Variants in SCAF11 observed in about 807,000 individuals in gnomAD.
SCAF11 encodes SR-related CTD associated factor 11.
Under a neutral mutation model 140.5 loss-of-function variants are expected in SCAF11, and 47 were observed. The ratio of observed to expected loss-of-function variants is 0.33; its 90% CI spans 0.26 to 0.43. SCAF11 has a LOEUF of 0.43. SCAF11 is among the 20% of genes least tolerant of loss of function. SCAF11 has a pLI of 1.00. For missense variants in SCAF11, 1,645 were observed against 1,705.1 expected, an observed-to-expected ratio of 0.96 and a Z score of 0.62; for synonymous variants, 557 against 579.4, an observed-to-expected ratio of 0.96 and a Z score of 0.55.
intron 3 of SCAF11, among the ~76,000 whole-genome samples, chr12:45,958,639 T>G (rs4768099): frequency 0.039 from 5,907 of 152,300 alleles, 552 homozygotes; most frequent in East Asian, 0.32. Context: ...TCCTTGAAAC[T>G]AAATATAATC....
chr12:45,965,069 T>G (rs1459586232), intron 1 of SCAF11, among the ~76,000 whole-genome samples: 1 of 152,168 alleles, frequency 6.6e-6, no homozygotes, highest in Non-Finnish European at 1.5e-5. Context: ...AGCAGAGCAA[T>G]GTAAATCAAG....
intron 3 of SCAF11, among the ~76,000 whole-genome samples, chr12:45,956,817 C>G (rs533509773): frequency 6.6e-6 from 1 of 152,102 alleles, no homozygotes; most frequent in African/African-American, 2.4e-5. Context: ...AAACTAGGCA[C>G]AAAGAAATGC....
At chr12:45,932,040 CATAT>C (rs146979342) in intron 9 of SCAF11, among the ~76,000 whole-genome samples, 2 of 148,930 alleles carry the variant, frequency 1.3e-5, no homozygotes, top group Non-Finnish European at 3.0e-5. Context: ...AAAGTGTGTG[CATAT>C]ATATATATAT....
chr12:45,927,470 A>G lies in SCAF11; in HGVS notation c.2231T>C (p.Met744Thr). Reference sequence around the variant, plus strand: ...ACAGTGTGTCACAGAATTTTCATTCATTTGTTTAAGATCAGCATTTACAGA... The same window carrying G: ...ACAGTGTGTCACAGAATTTTCATTCGTTTGTTTAAGATCAGCATTTACAGA... ...EPSVNADLKQMNENSVTHCSE... is the reference protein window; with the variant it reads ...EPSVNADLKQTNENSVTHCSE... Residue 744 changes from methionine (M) to threonine (T), a missense_variant, in exon 11 of 15, where the codon ATG becomes ACG. Coordinates refer to ENST00000369367, the MANE Select transcript of SCAF11 (RefSeq NM_004719.3). 1 of 1,613,450 alleles carries G rather than the reference A, an allele frequency of 6.2e-7. No individual in the cohort carries two copies. The highest frequency in any genetic ancestry group is 1.1e-5 in the South Asian group (1 of 90,900).
At chr12:45,929,323 A>G (rs1392894982) in intron 10 of SCAF11, 1 of 152,114 alleles carries the variant, frequency 6.6e-6, no homozygotes, top group African/African-American at 2.4e-5. Flanking sequence ...ATGCCCAGCT[A>G]ATTTTTGTAT....
chr12:45,923,662 T>C (rs1032850184), intron 12 of SCAF11, among the ~76,000 whole-genome samples: 1 of 151,864 alleles, frequency 6.6e-6, no homozygotes, highest in Non-Finnish European at 1.5e-5. Context: ...CAGGATTCTA[T>C]TTATTTTATT....
In SCAF11 at chr12:45,961,795, G is replaced by A. The variant is rs1945837734; in HGVS notation, c.124C>T (p.Pro42Ser). ...GLLYSEADRC[P>S]ICLNCLLEKE... ...TCTAATAGACAATTAAGACATATTG[G>A]GCATCTGTCAGCCTCACTGTACAAC... Residue 42 changes from proline to serine, a missense_variant, in exon 3 of 15, where the codon CCA (proline) becomes TCA (serine). Physicochemically the swap from Pro to Ser is moderately conservative, Grantham distance 74. Coordinates refer to ENST00000369367, the MANE Select transcript of SCAF11 (RefSeq NM_004719.3). 9 of 1,612,386 alleles carry A rather than the reference G, an allele frequency of 5.6e-6. No homozygotes were observed. The highest frequency in any genetic ancestry group is 1.3e-5 in the African/African-American group (1 of 74,924).
intron 1 of SCAF11, among the ~76,000 whole-genome samples, chr12:45,972,931 T>TATATATAGATATAGATATCG (rs1946128250): frequency 2.6e-5 from 2 of 76,224 alleles, no homozygotes; most frequent in Admixed American, 2.3e-4. Flanking sequence ...GATATATAGA[T>TATATATAGATATAGATATCG]ATATATAGAT....
At chr12:45,972,897 T>TATATATAGATATATCG (rs1565688754) in intron 1 of SCAF11, among the ~76,000 whole-genome samples, 1 of 64,850 alleles carries the variant, frequency 1.5e-5, no homozygotes, top group African/African-American at 5.9e-5. Flanking sequence ...TATATAGATA[T>TATATATAGATATATCG]ATATATATAT....
intron 3 of SCAF11, chr12:45,961,467 G>T (rs1382355051): frequency 3.4e-6 from 2 of 584,978 alleles, no homozygotes; most frequent in Non-Finnish European, 6.1e-6. Flanking sequence ...TTCCTATAAG[G>T]TTATTAACTT....
At chr12:45,929,716 T>C (rs1944996468) in intron 10 of SCAF11, 1 of 152,228 alleles carries the variant, frequency 6.6e-6, no homozygotes, top group Non-Finnish European at 1.5e-5. Flanking sequence ...GATAAAACTG[T>C]GTTTCTCATG....
intron 1 of SCAF11, among the ~76,000 whole-genome samples, chr12:45,981,115 G>A (rs572417804): frequency 6.8e-4 from 104 of 152,194 alleles, no homozygotes; most frequent in African/African-American, 2.4e-3. Context: ...AGTGATATTC[G>A]GATTATCACC....
chr12:45,929,321 C>T (rs1373733722), intron 10 of SCAF11: 4 of 152,320 alleles, frequency 2.6e-5, no homozygotes, highest in Admixed American at 6.6e-5. Flanking sequence ...CCATGCCCAG[C>T]TAATTTTTGT....
intron 1 of SCAF11, among the ~76,000 whole-genome samples, chr12:45,976,391 TTTGTTA>T (rs1946235357): frequency 6.6e-6 from 1 of 152,168 alleles, no homozygotes; most frequent in Non-Finnish European, 1.5e-5. Context: ...TGTTCTATTA[TTTGTTA>T]TTGTTAATCT....
intron 1 of SCAF11, chr12:45,974,109 A>T: frequency 2.3e-6 from 1 of 442,750 alleles, no homozygotes; most frequent in South Asian, 1.7e-5. Flanking sequence ...TTCCTAGTAT[A>T]TATGTTTATA....
chr12:45,921,883 G>A lies in SCAF11; in HGVS notation c.*165C>T, dbSNP rs1160194002. On this transcript the variant is annotated 3_prime_UTR_variant, in exon 15 of 15. Transcript: ENST00000369367. ...GAAGGAAGGATACAGAAGTTGCAGT[G>A]CAGACCTATATTTATTTAGAACAAA... 3 of 761,122 alleles carry A rather than the reference G, an allele frequency of 3.9e-6. No homozygotes were observed. The highest frequency in any genetic ancestry group is 3.7e-5 in the South Asian group (2 of 53,368). 47.1% of individuals were successfully genotyped at this position (761,122 alleles called of 1,614,324 possible).
chr12:45,927,526 G>A lies in SCAF11; in HGVS notation c.2175C>T (p.Cys725=). 1 of 1,613,388 alleles carries A rather than the reference G, an allele frequency of 6.2e-7. No individual in the cohort carries two copies. Among genetic ancestry groups the A allele is most frequent in the Middle Eastern group, 1.7e-4 (1 of 6,060 alleles). ...CAACTTCAGATTCATTTTGGTCACT[G>A]CAAAATGAATCACACTCCATAGGTA... The part of the protein sequence containing the change: ...EMIPMECDSF[C]SDQNESEVEP... Residue 725 remains cysteine, a synonymous_variant, in exon 11 of 15, where the codon TGC becomes TGT. Coordinates refer to ENST00000369367, the MANE Select transcript of SCAF11 (RefSeq NM_004719.3).
intron 11 of SCAF11, 40 bp from the exon 12 acceptor site, chr12:45,925,114 T>C (rs776826303): frequency 1.3e-6 from 2 of 1,494,056 alleles, no homozygotes; most frequent in Non-Finnish European, 1.8e-6. Flanking sequence ...AATCATGTTA[T>C]AAATCTCTTT....
rs1555171407 is a variant in SCAF11, at chr12:45,972,901, T to TATAGATATATAG, written c.-21-8714_-21-8713insCTATATATCTAT. Among the ~76,000 whole-genome samples, 60 of 26,508 alleles carry TATAGATATATAG rather than the reference T, an allele frequency of 2.3e-3. 5 individuals are homozygous for TATAGATATATAG. The highest frequency in any genetic ancestry group is 8.5e-3 in the African/African-American group (56 of 6,578). 17.4% of individuals were successfully genotyped at this position (26,508 alleles called of 152,430 possible). A position where few individuals can be genotyped will look rare whatever the true frequency, so the allele number is the denominator to read the frequency against. Reference sequence around the variant, plus strand: ...ATATAGATATATATATAGATATATATATATATAGATATATATATAGATATA... The same window carrying TATAGATATATAG: ...ATATAGATATATATATAGATATATATATAGATATATAGATATATAGATATATATATAGATATA... On this transcript the variant is annotated intron_variant, in intron 1 of 14. Transcript: ENST00000369367.
Sources: gnomAD v4.1 joint callset for allele counts (sites outside exome capture counted in the v4.1 genomes callset) on GRCh38, gnomAD v4.1.1 for gene constraint, MANE v1.5 for transcripts, NCBI Gene and HGNC (gene_info 2026-07-23, HGNC 2026-07-21) for gene names.